Variants in TTC1 observed in about 807,000 individuals in gnomAD.
TTC1 encodes the protein tetratricopeptide repeat domain 1, also known as tetratricopeptide repeat protein 1.
Under a neutral mutation model 37.6 loss-of-function variants are expected in TTC1, and 31 were observed. The observed-to-expected ratio is 0.82, with a 90% CI of 0.62 to 1.11. TTC1 has a LOEUF of 1.11. TTC1 is among the 50% of genes most tolerant of loss of function. The pLI, the probability that TTC1 is intolerant of heterozygous loss-of-function variation, is 0.00. For missense variants in TTC1, 351 were observed against 339.0 expected (o/e 1.04, Z -0.28); for synonymous variants, 127 against 122.4 (o/e 1.04, Z -0.25).
At chr5:160,034,052 G>A (rs1047503523) in intron 2 of TTC1, among the ~76,000 whole-genome samples, 1 of 151,814 alleles carries the variant, frequency 6.6e-6, no homozygotes, top group African/African-American at 2.4e-5. Flanking sequence ...AGAGTTCAAG[G>A]TTATAGTGTG....
chr5:160,023,816 T>G (rs1422655843), intron 2 of TTC1: 1 of 1,613,624 alleles, frequency 6.2e-7, no homozygotes, highest in African/African-American at 1.3e-5. Context: ...TGTATCATTC[T>G]CAGAGTCTGA....
intron 7 of TTC1, among the ~76,000 whole-genome samples, chr5:160,062,807 GTT>G (rs3832347): frequency 1.3e-5 from 2 of 149,860 alleles, no homozygotes; most frequent in African/African-American, 4.9e-5. Context: ...GCTTTTGATG[GTT>G]TTTTTTTTCC....
chr5:160,021,443 C>T (rs1480068675), intron 2 of TTC1, among the ~76,000 whole-genome samples: 2 of 152,214 alleles, frequency 1.3e-5, no homozygotes, highest in Non-Finnish European at 2.9e-5. Context: ...GCAGTCCTGA[C>T]ATAGAAAATT....
chr5:160,016,799 G>T (rs4921248), intron 2 of TTC1, among the ~76,000 whole-genome samples: 22,218 of 152,186 alleles, frequency 0.15, 1,828 homozygotes, highest in East Asian at 0.26. Context: ...GGTCTATGTA[G>T]TATTAAAGGT....
chr5:160,040,635 A>G (rs1025075284), intron 4 of TTC1, among the ~76,000 whole-genome samples: 23 of 152,140 alleles, frequency 1.5e-4, no homozygotes, highest in Middle Eastern at 6.8e-3. Context: ...CTGGAGTGCA[A>G]TGGCACAGTC....
chr5:160,049,549 T>C lies in TTC1; in HGVS notation c.577T>C (p.Leu193=), dbSNP rs762525996. ...AAACCCCAGCTATATCAGGGCAATA[T>C]TGAGGAGAGCAGAGTTGTATGAGAA... is the stretch of plus-strand genomic sequence containing the variant. ...QLNPSYIRAI[L]RRAELYEKTD... Residue 193 remains leucine, a synonymous_variant, in exon 6 of 8, where the codon TTG becomes CTG. Coordinates refer to ENST00000231238, the MANE Select transcript of TTC1 (RefSeq NM_003314.3). 9.4e-6 allele frequency: 15 copies of C among 1,601,490 alleles called. No individual in the cohort carries two copies. Among genetic ancestry groups the C allele is most frequent in the African/African-American group, 4.1e-5 (3 of 73,892 alleles).
chr5:160,047,997 A>T (rs1259225528), intron 5 of TTC1, among the ~76,000 whole-genome samples: 7 of 152,042 alleles, frequency 4.6e-5, no homozygotes, highest in African/African-American at 4.8e-5. Context: ...CTTGTTTCCC[A>T]CTATAGCCCA....
intron 7 of TTC1, 125 bp from the exon 8 acceptor site, chr5:160,064,807 G>T: frequency 9.8e-7 from 1 of 1,017,674 alleles, no homozygotes; most frequent in South Asian, 1.7e-5. Flanking sequence ...ATTAAAAGTA[G>T]GCATTTCTTT....
intron 5 of TTC1, among the ~76,000 whole-genome samples, chr5:160,047,552 C>A (rs1289684199): frequency 6.6e-6 from 1 of 152,200 alleles, no homozygotes; most frequent in East Asian, 1.9e-4. Context: ...CCCCACCCGC[C>A]AACACTACAG....
chr5:160,058,791 T>A (rs564740508), intron 7 of TTC1, among the ~76,000 whole-genome samples: 5 of 152,318 alleles, frequency 3.3e-5, no homozygotes, highest in African/African-American at 9.6e-5. Context: ...GGATGTTGTG[T>A]TAGGAGGTTT....
intron 3 of TTC1, 42 bp downstream of exon 3, chr5:160,035,242 C>T: frequency 1.3e-6 from 2 of 1,517,382 alleles, no homozygotes; most frequent in Non-Finnish European, 1.8e-6. Context: ...CATCTTGACT[C>T]CTCATCCTGT....
At chr5:160,018,234 T>G (rs2113346044) in intron 2 of TTC1, among the ~76,000 whole-genome samples, 1 of 152,332 alleles carries the variant, frequency 6.6e-6, no homozygotes, top group East Asian at 1.9e-4. Flanking sequence ...CGAAATCTGC[T>G]GGTGCCTTGA....
chr5:160,029,911 T>C (rs984211811), intron 2 of TTC1, among the ~76,000 whole-genome samples: 2 of 152,152 alleles, frequency 1.3e-5, no homozygotes, highest in Non-Finnish European at 2.9e-5. Flanking sequence ...GTATGGGATA[T>C]GGGTGGGGCC....
chr5:160,063,321 ATCC>A (rs1753488436), intron 7 of TTC1, among the ~76,000 whole-genome samples: 3 of 152,058 alleles, frequency 2.0e-5, no homozygotes, highest in African/African-American at 7.2e-5. Flanking sequence ...GGCTCAAGCA[ATCC>A]TCCTAACTCA....
At chr5:160,016,069 A>G (rs1441746410) in intron 2 of TTC1, among the ~76,000 whole-genome samples, 1 of 152,178 alleles carries the variant, frequency 6.6e-6, no homozygotes, top group Non-Finnish European at 1.5e-5. Flanking sequence ...TATGTAGTAT[A>G]CAATGCAGTT....
chr5:160,010,321 A>C (rs1756473986), intron 1 of TTC1, among the ~76,000 whole-genome samples, 179 bp from the exon 2 acceptor site: 1 of 151,908 alleles, frequency 6.6e-6, no homozygotes, highest in Non-Finnish European at 1.5e-5. Context: ...GTCTCAGTTA[A>C]AATGACGATT....
chr5:160,063,331 C>T (rs1424060931), intron 7 of TTC1, among the ~76,000 whole-genome samples: 3 of 152,160 alleles, frequency 2.0e-5, no homozygotes, highest in Non-Finnish European at 2.9e-5. Flanking sequence ...ATCCTCCTAA[C>T]TCAGCCTCTG....
chr5:160,062,798 C>T (rs1228497309), intron 7 of TTC1, among the ~76,000 whole-genome samples: 1 of 151,690 alleles, frequency 6.6e-6, no homozygotes, highest in Non-Finnish European at 1.5e-5. Flanking sequence ...TCTTGGGCTG[C>T]TTTTGATGGT....
At chr5:160,038,219 A>G (rs1382565600) in intron 4 of TTC1, among the ~76,000 whole-genome samples, 3 of 152,220 alleles carry the variant, frequency 2.0e-5, no homozygotes, top group East Asian at 1.9e-4. Context: ...AGAAAACAAA[A>G]CAATTGGTTT....
Sources: gnomAD v4.1 joint callset for allele counts (sites outside exome capture counted in the v4.1 genomes callset) on GRCh38, gnomAD v4.1.1 for gene constraint, MANE v1.5 for transcripts, NCBI Gene and HGNC (gene_info 2026-07-23, HGNC 2026-07-21) for gene names.